Variants in PCCA observed in about 807,000 individuals in gnomAD.
The protein encoded by PCCA is propionyl-CoA carboxylase subunit alpha, also known as propionyl-CoA carboxylase alpha chain, mitochondrial.
A neutral mutation model predicts 101.3 loss-of-function variants in PCCA; 74 were observed. The ratio of observed to expected loss-of-function variants is 0.73; its 90% CI spans 0.61 to 0.89. The LOEUF (loss-of-function observed/expected upper bound fraction) is 0.89. PCCA is among the 40% of genes least tolerant of loss of function. PCCA has a pLI of 0.00. For synonymous variants in PCCA, 294 were observed against 313.6 expected, an observed-to-expected ratio of 0.94 and a Z score of 0.66; for missense variants, 891 against 907.0, an observed-to-expected ratio of 0.98 and a Z score of 0.23.
chr13:100,477,035 A>G (rs899144670), intron 21 of PCCA, among the ~76,000 whole-genome samples: 5 of 152,210 alleles, frequency 3.3e-5, no homozygotes, highest in Non-Finnish European at 5.9e-5. Flanking sequence ...CAGTAATTCT[A>G]TCCCATCTGT....
At chr13:100,116,912 G>T (rs1478531604) in intron 4 of PCCA, among the ~76,000 whole-genome samples, 2 of 152,150 alleles carry the variant, frequency 1.3e-5, no homozygotes, top group African/African-American at 4.8e-5. Flanking sequence ...TTGTTAGCTT[G>T]AGAGCTGTGC....
At chr13:100,209,292 A>G (rs1443027925) in intron 6 of PCCA, 40 bp from the exon 7 acceptor site, 2 of 1,591,608 alleles carry the variant, frequency 1.3e-6, no homozygotes, top group African/African-American at 2.7e-5. Flanking sequence ...CATGCTCCGT[A>G]ATGTTCTTGT....
chr13:100,268,848 A>ATTCG (rs2063117709), intron 11 of PCCA, 65 bp downstream of exon 11: 1 of 1,054,764 alleles, frequency 9.5e-7, no homozygotes, highest in East Asian at 2.4e-5. Flanking sequence ...TCATTCATTC[A>ATTCG]TTCATCATTC....
At chr13:100,233,169 G>A (rs559416801) in intron 7 of PCCA, among the ~76,000 whole-genome samples, 3 of 152,210 alleles carry the variant, frequency 2.0e-5, no homozygotes, top group South Asian at 2.1e-4. Flanking sequence ...AAAAGATAAC[G>A]TGTCCTCAAA....
chr13:100,185,692 C>T lies in PCCA; in HGVS notation c.469-23640C>T, dbSNP rs1487683367. 2.0e-5 allele frequency among the ~76,000 whole-genome samples: 3 copies of T among 148,986 alleles called. 1 individual carries two copies. The highest frequency in any genetic ancestry group is 4.3e-4 in the South Asian group (2 of 4,700). The stretch of plus-strand genomic sequence containing the variant: ...GACGGAGTTTTGCTCTTGTTGCCCA[C>T]GCTGGAGTGCAATGGTGCGATCTCG... On this transcript the variant is annotated intron_variant, in intron 6 of 23. Transcript: ENST00000376285.
At chr13:100,467,884 G>A (rs1780476466) in intron 21 of PCCA, among the ~76,000 whole-genome samples, 1 of 152,178 alleles carries the variant, frequency 6.6e-6, no homozygotes, top group Non-Finnish European at 1.5e-5. Flanking sequence ...CATCTAGAGT[G>A]GTGAAGAAGG....
intron 16 of PCCA, among the ~76,000 whole-genome samples, chr13:100,311,507 C>G (rs1336280383): frequency 6.6e-6 from 1 of 151,730 alleles, no homozygotes; most frequent in African/African-American, 2.4e-5. Flanking sequence ...TGGTGGCTCA[C>G]GCCTGTAATC....
chr13:100,447,332 C>T (rs1001447728), intron 20 of PCCA, among the ~76,000 whole-genome samples: 6 of 151,706 alleles, frequency 4.0e-5, no homozygotes, highest in African/African-American at 7.3e-5. Flanking sequence ...TGCAGTGAGC[C>T]GAGATTGTGC....
At chr13:100,163,902 C>G (rs1323441414) in intron 6 of PCCA, among the ~76,000 whole-genome samples, 1 of 151,160 alleles carries the variant, frequency 6.6e-6, no homozygotes, top group African/African-American at 2.4e-5. Flanking sequence ...AGTGTTTTTT[C>G]TAGGATTGCA....
At chr13:100,368,726 ATT>A in intron 19 of PCCA, 152 bp downstream of exon 19, 1 of 637,066 alleles carries the variant, frequency 1.6e-6, no homozygotes, top group Non-Finnish European at 2.8e-6. Flanking sequence ...GGAAATGGAA[ATT>A]TTTGTTCTCT....
chr13:100,204,291 C>T (rs1008294758), intron 6 of PCCA, among the ~76,000 whole-genome samples: 1 of 152,136 alleles, frequency 6.6e-6, no homozygotes, highest in African/African-American at 2.4e-5. Flanking sequence ...AGGTATACAC[C>T]ACCATGCCTG....
intron 19 of PCCA, among the ~76,000 whole-genome samples, chr13:100,382,097 G>A (rs2076261583): frequency 6.6e-6 from 1 of 152,220 alleles, no homozygotes; most frequent in African/African-American, 2.4e-5. Context: ...ACAACCTTTT[G>A]TATCCACACA....
intron 6 of PCCA, 126 bp from the exon 7 acceptor site, chr13:100,209,206 A>C: frequency 5.1e-6 from 4 of 786,654 alleles, no homozygotes; most frequent in Non-Finnish European, 8.6e-6. Flanking sequence ...TTGGCTCAAA[A>C]ACTGTTGTTT....
At chr13:100,265,831 A>C (rs1038790759) in intron 10 of PCCA, among the ~76,000 whole-genome samples, 4 of 69,042 alleles carry the variant, frequency 5.8e-5, no homozygotes, top group Non-Finnish European at 1.4e-4. Flanking sequence ...GATGGATGTT[A>C]TGTACAAGAA....
chr13:100,186,880 A>G (rs769236688), intron 6 of PCCA, among the ~76,000 whole-genome samples: 2 of 152,224 alleles, frequency 1.3e-5, no homozygotes, highest in Non-Finnish European at 2.9e-5. Flanking sequence ...GTATATGCCA[A>G]TTGAGAATTG....
chr13:100,270,427 C>G (rs528914421), intron 11 of PCCA, among the ~76,000 whole-genome samples: 1 of 152,262 alleles, frequency 6.6e-6, no homozygotes, highest in South Asian at 2.1e-4. Context: ...AATTCCAATT[C>G]AATTAACACT....
At chr13:100,198,481 T>TTCAC (rs2152459394) in intron 6 of PCCA, 1 of 123,988 alleles carries the variant, frequency 8.1e-6, no homozygotes, top group Non-Finnish European at 1.8e-5. Flanking sequence ...CATTCATTCA[T>TTCAC]TCATTCATTC....
chr13:100,279,119 G>A (rs937032487), intron 12 of PCCA, among the ~76,000 whole-genome samples: 1 of 152,112 alleles, frequency 6.6e-6, no homozygotes, highest in African/African-American at 2.4e-5. Flanking sequence ...ACGTCCCAAG[G>A]TCTCTGACTG....
At chr13:100,476,607 A>G (rs1020914832) in intron 21 of PCCA, among the ~76,000 whole-genome samples, 4 of 152,202 alleles carry the variant, frequency 2.6e-5, no homozygotes, top group Non-Finnish European at 5.9e-5. Flanking sequence ...TCATTTATCC[A>G]AGTATTTGAT....
Sources: allele counts gnomAD v4.1 joint callset (sites outside exome capture counted in the v4.1 genomes callset), GRCh38; gene constraint gnomAD v4.1.1; transcripts MANE v1.5; gene names NCBI Gene and HGNC (gene_info 2026-07-23, HGNC 2026-07-21).